DCC: variants seen among roughly 807,000 people sequenced by gnomAD.
The protein encoded by DCC is DCC netrin 1 receptor, also known as netrin receptor DCC.
DCC carries 58 observed loss-of-function variants against 172.5 expected under a neutral mutation model. The ratio of observed to expected loss-of-function variants is 0.34; its 90% CI spans 0.27 to 0.42. The LOEUF (loss-of-function observed/expected upper bound fraction) is 0.42. Among genes scored for constraint, DCC ranks in the 10% least tolerant of loss-of-function variants. The pLI, the probability that DCC is intolerant of heterozygous loss-of-function variation, is 1.00. For synonymous variants in DCC, 709 were observed against 644.5 expected (o/e 1.10, Z -1.52); for missense variants, 1,740 against 1,791.0 (o/e 0.97, Z 0.51).
intron 12 of DCC, among the ~76,000 whole-genome samples, chr18:53,240,180 A>AT (rs952295148): frequency 2.4e-4 from 37 of 152,110 alleles, no homozygotes; most frequent in Non-Finnish European, 4.4e-4. Context: ...ATTAGACTAG[A>AT]TTTTTTTCTG....
At chr18:52,456,236 G>A (rs1490220067) in intron 1 of DCC, among the ~76,000 whole-genome samples, 3 of 152,060 alleles carry the variant, frequency 2.0e-5, no homozygotes, top group Admixed American at 2.0e-4. Context: ...TATGAATCAA[G>A]TTTCAGTCTT....
intron 2 of DCC, among the ~76,000 whole-genome samples, chr18:52,820,492 GT>G (rs34971545): frequency 0.11 from 17,046 of 151,708 alleles, 1,041 homozygotes; most frequent in South Asian, 0.2. Flanking sequence ...ATACATTCAT[GT>G]TTTTTTTCTC....
At chr18:53,274,690 A>G (rs2056786748) in intron 12 of DCC, among the ~76,000 whole-genome samples, 1 of 152,112 alleles carries the variant, frequency 6.6e-6, no homozygotes, top group Non-Finnish European at 1.5e-5. Flanking sequence ...CGTATTACAG[A>G]TGGGTTTATT....
chr18:52,448,450 T>C (rs1373420262), intron 1 of DCC, among the ~76,000 whole-genome samples: 1 of 151,802 alleles, frequency 6.6e-6, no homozygotes, highest in Non-Finnish European at 1.5e-5. Flanking sequence ...TACTGATAGA[T>C]AAATTTATAG....
chr18:52,768,379 G>A (rs977206603), intron 2 of DCC, among the ~76,000 whole-genome samples: 1 of 152,094 alleles, frequency 6.6e-6, no homozygotes, highest in Non-Finnish European at 1.5e-5. Context: ...ATGGTAAATC[G>A]CCAATGGGGG....
At chr18:52,456,832 G>A (rs1988471861) in intron 1 of DCC, among the ~76,000 whole-genome samples, 1 of 151,934 alleles carries the variant, frequency 6.6e-6, no homozygotes, top group Admixed American at 6.6e-5. Context: ...TCGCAAAGCT[G>A]GAAACAGAAT....
intron 1 of DCC, among the ~76,000 whole-genome samples, chr18:52,647,653 C>T (rs1231638377): frequency 6.6e-6 from 1 of 152,182 alleles, no homozygotes; most frequent in African/African-American, 2.4e-5. Context: ...CTGACCCATA[C>T]AAAAATGCTA....
At chr18:52,974,428 C>T (rs994871972) in intron 5 of DCC, among the ~76,000 whole-genome samples, 6 of 152,120 alleles carry the variant, frequency 3.9e-5, no homozygotes, top group Non-Finnish European at 8.8e-5. Flanking sequence ...TGTTGGTTGA[C>T]GGAGCCACAT....
chr18:53,273,729 C>T (rs1450061943), intron 12 of DCC, among the ~76,000 whole-genome samples: 1 of 138,000 alleles, frequency 7.2e-6, no homozygotes, highest in Non-Finnish European at 1.7e-5. Flanking sequence ...TCTCTTTCTG[C>T]TGCTTTTTTT....
intron 2 of DCC, among the ~76,000 whole-genome samples, chr18:52,842,246 A>G (rs1344583926): frequency 6.7e-6 from 1 of 149,224 alleles, no homozygotes; most frequent in East Asian, 1.9e-4. Flanking sequence ...TTAGAAACAT[A>G]TATACATAGT....
intron 2 of DCC, among the ~76,000 whole-genome samples, chr18:52,772,900 A>G (rs776484650): frequency 2.0e-5 from 3 of 152,160 alleles, no homozygotes; most frequent in Non-Finnish European, 4.4e-5. Flanking sequence ...GCTTAAATAT[A>G]TATTGAAATG....
At chr18:52,788,753 G>A (rs905817699) in intron 2 of DCC, among the ~76,000 whole-genome samples, 3 of 152,146 alleles carry the variant, frequency 2.0e-5, no homozygotes, top group Non-Finnish European at 4.4e-5. Flanking sequence ...GGCCAGGAAG[G>A]CATGCATTTC....
At chr18:52,532,573 C>G (rs758469057) in intron 1 of DCC, among the ~76,000 whole-genome samples, 2 of 152,158 alleles carry the variant, frequency 1.3e-5, no homozygotes, top group Non-Finnish European at 2.9e-5. Context: ...AGGGAGACAA[C>G]AGCTGAGAAA....
intron 5 of DCC, among the ~76,000 whole-genome samples, chr18:53,062,243 T>A (rs1221854282): frequency 1.3e-5 from 2 of 152,100 alleles, no homozygotes; most frequent in Non-Finnish European, 2.9e-5. Flanking sequence ...GCAATGGCCA[T>A]CAAAGATTGG....
intron 19 of DCC, among the ~76,000 whole-genome samples, chr18:53,408,575 G>A (rs1360731218): frequency 6.6e-6 from 1 of 152,100 alleles, no homozygotes; most frequent in Non-Finnish European, 1.5e-5. Context: ...TCTTCTATCG[G>A]TTAGAAACAA....
At chr18:53,113,256 C>G (rs1237383782) in intron 7 of DCC, among the ~76,000 whole-genome samples, 1 of 151,322 alleles carries the variant, frequency 6.6e-6, no homozygotes, top group Admixed American at 6.6e-5. Flanking sequence ...ATCTTTTATT[C>G]AGAGGCTGCT....
Position 52,653,763 on chromosome 18 carries a change from A to G in DCC, c.92-98291A>G, listed in dbSNP as rs560307200. 1.5e-4 allele frequency among the ~76,000 whole-genome samples: 23 copies of G among 152,256 alleles called. No individual in the cohort carries two copies. In the South Asian group the frequency reaches 4.8e-3, roughly 32 times the overall value. On this transcript the variant is annotated intron_variant, in intron 1 of 28. Coordinates refer to ENST00000442544, the MANE Select transcript of DCC (RefSeq NM_005215.4). ...TTCCAGGTCCTTCACCTCAACTCTT[A>G]TTAGACAAAGGGTGCTGATTATTAA...
intron 17 of DCC, among the ~76,000 whole-genome samples, chr18:53,393,922 C>CTCTCTCTCTCTCT (rs72364865): frequency 0.34 from 44,545 of 130,322 alleles, 8,186 homozygotes; most frequent in Non-Finnish European, 0.47. Context: ...TCCCTCTCTC[C>CTCTCTCTCTCTCT]CTCCCTCCCT....
At chr18:53,427,059 G>C (rs1440367444) in intron 21 of DCC, among the ~76,000 whole-genome samples, 1 of 152,148 alleles carries the variant, frequency 6.6e-6, no homozygotes, top group East Asian at 1.9e-4. Context: ...GAACCACGCA[G>C]ATGGGGGAGG....
Sources: allele counts gnomAD v4.1 joint callset (sites outside exome capture counted in the v4.1 genomes callset), GRCh38; gene constraint gnomAD v4.1.1; transcripts MANE v1.5; gene names NCBI Gene and HGNC (gene_info 2026-07-23, HGNC 2026-07-21).